DISC1: variants seen among roughly 807,000 people sequenced by gnomAD.
DISC1 encodes DISC1 scaffold protein.
Under a neutral mutation model 84.5 loss-of-function variants are expected in DISC1, and 57 were observed. That is an observed-to-expected ratio of 0.67 (90% confidence interval 0.55 to 0.84). The LOEUF (loss-of-function observed/expected upper bound fraction) is 0.84. DISC1 is among the 40% of genes least tolerant of loss of function. The pLI, the probability that DISC1 is intolerant of heterozygous loss-of-function variation, is 0.00. For synonymous variants in DISC1, 411 were observed against 415.2 expected, an observed-to-expected ratio of 0.99 and a Z score of 0.12; for missense variants, 1,000 against 1,057.8, an observed-to-expected ratio of 0.95 and a Z score of 0.76.
chr1:231,870,513 T>C (rs991316791), intron 9 of DISC1, among the ~76,000 whole-genome samples: 2 of 152,204 alleles, frequency 1.3e-5, no homozygotes, highest in Non-Finnish European at 2.9e-5. Context: ...GAGCTGTCTG[T>C]TGGTGTTATC....
At chr1:231,627,970 A>G (rs1302927707) in intron 1 of DISC1, among the ~76,000 whole-genome samples, 1 of 152,188 alleles carries the variant, frequency 6.6e-6, no homozygotes, top group Non-Finnish European at 1.5e-5. Context: ...TACCTGCTTC[A>G]TAGGGTTGTT....
chr1:231,949,749 C>T (rs939954322), intron 9 of DISC1, among the ~76,000 whole-genome samples: 2 of 152,112 alleles, frequency 1.3e-5, no homozygotes, highest in Non-Finnish European at 2.9e-5. Flanking sequence ...CCCACAAGCT[C>T]GTGTGTCTTT....
At chr1:231,691,630 G>A (rs2065026816) in intron 1 of DISC1, among the ~76,000 whole-genome samples, 1 of 152,202 alleles carries the variant, frequency 6.6e-6, no homozygotes, top group South Asian at 2.1e-4. Flanking sequence ...AGACAGTATA[G>A]GTTTCACTGG....
intron 10 of DISC1, among the ~76,000 whole-genome samples, chr1:231,975,268 TATC>T (rs1304810348): frequency 6.6e-6 from 1 of 152,180 alleles, no homozygotes; most frequent in African/African-American, 2.4e-5. Flanking sequence ...CACAATGAGA[TATC>T]ATTGTACCCC....
intron 10 of DISC1, among the ~76,000 whole-genome samples, chr1:231,989,216 G>A (rs1221963766): frequency 6.6e-6 from 1 of 152,152 alleles, no homozygotes; most frequent in African/African-American, 2.4e-5. Flanking sequence ...TCCTACCCAG[G>A]TCAGGCTCAT....
At chr1:231,884,824 T>C (rs908892755) in intron 9 of DISC1, among the ~76,000 whole-genome samples, 2 of 151,518 alleles carry the variant, frequency 1.3e-5, no homozygotes, top group Non-Finnish European at 2.9e-5. Flanking sequence ...AAAACCAGAA[T>C]ATAATCTGAG....
At chr1:231,765,215 A>C (rs1178449533) in intron 4 of DISC1, among the ~76,000 whole-genome samples, 3 of 151,008 alleles carry the variant, frequency 2.0e-5, no homozygotes, top group African/African-American at 4.8e-5. Context: ...AAAAAAAAAA[A>C]AAAACTTTGG....
rs2759356 is a variant in DISC1, at chr1:231,892,886, G to C, written c.1982-65942G>C. Among the ~76,000 whole-genome samples, 1,146 of 152,282 alleles carry C rather than the reference G, an allele frequency of 7.5e-3. 16 individuals are homozygous for C. The highest frequency in any genetic ancestry group is 0.027 in the African/African-American group (1,103 of 41,558). On this transcript the variant is annotated intron_variant, in intron 9 of 12. Coordinates refer to ENST00000439617, the MANE Select transcript of DISC1 (RefSeq NM_018662.3). The stretch of plus-strand genomic sequence containing the variant: ...AATGTTTAAGAATGTGGCAGGCCAG[G>C]TATAGTGGCTCATACCTGTAATCCA...
intron 9 of DISC1, among the ~76,000 whole-genome samples, chr1:231,955,604 C>T (rs1659349716): frequency 6.6e-6 from 1 of 151,402 alleles, no homozygotes; most frequent in Non-Finnish European, 1.5e-5. Context: ...ATTCTTCTGT[C>T]TCAGCCTCCC....
intron 1 of DISC1, among the ~76,000 whole-genome samples, chr1:231,649,815 C>T (rs1253568788): frequency 2.6e-5 from 4 of 152,204 alleles, no homozygotes; most frequent in Admixed American, 1.3e-4. Context: ...TATGTAATGG[C>T]CTTCTTTGTC....
chr1:231,974,031 G>A (rs1662430956), intron 10 of DISC1, among the ~76,000 whole-genome samples: 1 of 151,882 alleles, frequency 6.6e-6, no homozygotes, highest in Non-Finnish European at 1.5e-5. Context: ...AGAGGTACAT[G>A]TTTATGTTTG....
At chr1:231,931,316 A>T (rs1020891517) in intron 9 of DISC1, among the ~76,000 whole-genome samples, 1 of 152,298 alleles carries the variant, frequency 6.6e-6, no homozygotes, top group Non-Finnish European at 1.5e-5. Context: ...GAATTTCTCT[A>T]ACCTTAGGTG....
intron 10 of DISC1, among the ~76,000 whole-genome samples, chr1:231,964,385 A>G (rs967220419): frequency 9.9e-5 from 15 of 152,138 alleles, no homozygotes; most frequent in African/African-American, 3.6e-4. Flanking sequence ...TTAGCTACCT[A>G]GGATCCTGCC....
Position 231,681,405 on chromosome 1 carries a change from T to TTG in DISC1, c.68-12401_68-12400dup, listed in dbSNP as rs562016510. Among the ~76,000 whole-genome samples, 1,147 of 148,796 alleles carry TTG rather than the reference T, an allele frequency of 7.7e-3. 9 individuals are homozygous for TTG. The highest frequency in any genetic ancestry group is 0.022 in the African/African-American group (879 of 40,764). On this transcript the variant is annotated intron_variant, in intron 1 of 12. Transcript: ENST00000439617. ...GTGTTGGGCTCTCACTCGTGTGTGT[T>TTG]TGTGTGTGTGTGTGTGTGTGTAAAT...
intron 9 of DISC1, among the ~76,000 whole-genome samples, chr1:231,955,177 C>T (rs940666200): frequency 1.3e-5 from 2 of 152,140 alleles, no homozygotes; most frequent in Non-Finnish European, 2.9e-5. Flanking sequence ...ATAAATGGCG[C>T]GTTGCGTACG....
chr1:231,840,707 T>TTG (rs1056833351), intron 9 of DISC1, among the ~76,000 whole-genome samples: 20 of 151,630 alleles, frequency 1.3e-4, no homozygotes, highest in African/African-American at 4.4e-4. Flanking sequence ...TTTTTTTTTT[T>TTG]TTGTTGTTGT....
At position 231,686,829 on chromosome 1, in the gene DISC1, C is replaced by T. The variant is rs2064339817; in HGVS notation, c.68-6997C>T. On this transcript the variant is annotated intron_variant, in intron 1 of 12. Coordinates refer to ENST00000439617, the MANE Select transcript of DISC1 (RefSeq NM_018662.3). Reference sequence around the variant, plus strand: ...ATATATCTGAATGCCTTTAACAGCACCCATGTCACCTCTTGAAGGCTTTGC... The same window carrying T: ...ATATATCTGAATGCCTTTAACAGCATCCATGTCACCTCTTGAAGGCTTTGC... Among the ~76,000 whole-genome samples the T allele has an allele frequency of 2.6e-5, 4 of 152,136 alleles. No individual in the cohort carries two copies. The South Asian group carries it at 8.3e-4, about 32-fold the overall frequency.
intron 1 of DISC1, among the ~76,000 whole-genome samples, chr1:231,627,407 C>T (rs532920476): frequency 7.9e-5 from 12 of 152,340 alleles, no homozygotes; most frequent in African/African-American, 2.6e-4. Flanking sequence ...CGGGTTCCAC[C>T]CCTTCGGGGA....
intron 8 of DISC1, among the ~76,000 whole-genome samples, chr1:231,806,437 G>A (rs1008087055): frequency 1.3e-5 from 2 of 152,182 alleles, no homozygotes; most frequent in Non-Finnish European, 1.5e-5. Context: ...TCAGCTCCGA[G>A]TTCAAAAGCC....
Sources: allele counts gnomAD v4.1 joint callset (sites outside exome capture counted in the v4.1 genomes callset), GRCh38; gene constraint gnomAD v4.1.1; transcripts MANE v1.5; gene names NCBI Gene and HGNC (gene_info 2026-07-23, HGNC 2026-07-21).